Variants in SPPL3 observed in about 807,000 individuals in gnomAD.
SPPL3 encodes signal peptide peptidase-like 3.
SPPL3 carries 5 observed loss-of-function variants against 42.4 expected under a neutral mutation model. The observed-to-expected ratio is 0.12, with a 90% CI of 0.06 to 0.25. SPPL3 has a LOEUF of 0.25. Among genes scored for constraint, SPPL3 ranks in the 10% least tolerant of loss-of-function variants. The pLI, the probability that SPPL3 is intolerant of heterozygous loss-of-function variation, is 1.00. For synonymous variants in SPPL3, 195 were observed against 181.8 expected (o/e 1.07, Z -0.58); for missense variants, 235 against 489.0 (o/e 0.48, Z 4.90).
In SPPL3 at chr12:120,802,183, G is replaced by T. The variant is rs1012468879; in HGVS notation, c.101+8626C>A. On this transcript the variant is annotated intron_variant, in intron 2 of 10. Coordinates refer to ENST00000353487, the MANE Select transcript of SPPL3 (RefSeq NM_139015.5). ...AGGCCTGCCTTTAGGAACTTCCACT[G>T]CCTGCCTCAGGACAAGGGGAAACAT... 1.3e-5 allele frequency among the ~76,000 whole-genome samples: 2 copies of T among 151,888 alleles called. 1 individual carries two copies. Among genetic ancestry groups the T allele is most frequent in the South Asian group, 4.1e-4 (2 of 4,822 alleles).
At chr12:120,883,208 G>C (rs1257174960) in intron 1 of SPPL3, among the ~76,000 whole-genome samples, 1 of 150,978 alleles carries the variant, frequency 6.6e-6, no homozygotes, top group African/African-American at 2.4e-5. Context: ...AGGAAGCTGA[G>C]GCAGGAGAAT....
intron 6 of SPPL3, among the ~76,000 whole-genome samples, chr12:120,773,582 T>C (rs1175852862): frequency 6.6e-6 from 1 of 151,912 alleles, no homozygotes; most frequent in Non-Finnish European, 1.5e-5. Context: ...CTCCTCGGGG[T>C]AAGTTTATTC....
Position 120,904,081 on chromosome 12 carries a change from G to T in SPPL3, c.-214C>A, listed in dbSNP as rs1358060201. 1.2e-5 allele frequency: 4 copies of T among 328,888 alleles called. No individual in the cohort carries two copies. The highest frequency in any genetic ancestry group is 6.6e-5 in the African/African-American group (3 of 45,434). The allele number at this position is 328,888 out of a possible 1,614,324, so 20.4% of individuals were successfully genotyped here. On this transcript the variant is annotated 5_prime_UTR_variant, in exon 1 of 11. Transcript: ENST00000353487. ...CTCCCTGGGCCCCGGGGCGGGGCGG[G>T]CTCCGCTCTCGGCCTCCCTCACCCG...
intron 1 of SPPL3, among the ~76,000 whole-genome samples, chr12:120,898,481 A>G (rs1194107186): frequency 1.3e-5 from 2 of 151,980 alleles, no homozygotes; most frequent in African/African-American, 4.8e-5. Flanking sequence ...ACAAGATCAA[A>G]CCATGAAGAA....
intron 1 of SPPL3, among the ~76,000 whole-genome samples, chr12:120,873,815 T>A (rs1872999552): frequency 6.6e-6 from 1 of 152,002 alleles, no homozygotes; most frequent in Non-Finnish European, 1.5e-5. Flanking sequence ...GAGGTTGCAG[T>A]GAGCCAAGAT....
chr12:120,787,534 C>CT (rs1394730709), intron 3 of SPPL3, among the ~76,000 whole-genome samples: 1 of 151,884 alleles, frequency 6.6e-6, no homozygotes, highest in Non-Finnish European at 1.5e-5. Flanking sequence ...ACTTTCTAAC[C>CT]TTTTTTATGG....
At chr12:120,766,094 G>A (rs962888131) in intron 10 of SPPL3, among the ~76,000 whole-genome samples, 169 bp downstream of exon 10, 4 of 103,304 alleles carry the variant, frequency 3.9e-5, no homozygotes, top group East Asian at 4.4e-4. Context: ...AGGGTAGCGC[G>A]CGCGCGCACA....
chr12:120,888,709 T>C (rs1873540809), intron 1 of SPPL3, among the ~76,000 whole-genome samples: 1 of 152,214 alleles, frequency 6.6e-6, no homozygotes, highest in African/African-American at 2.4e-5. Context: ...GAAAATGTTA[T>C]AAAAATGATT....
intron 2 of SPPL3, among the ~76,000 whole-genome samples, chr12:120,797,283 T>G (rs765312720): frequency 1.3e-5 from 2 of 152,114 alleles, no homozygotes; most frequent in Non-Finnish European, 2.9e-5. Context: ...CTCTGTTCTA[T>G]TAACTCTAGC....
rs144281918 is a variant in SPPL3 at position 120,848,237 on chromosome 12, T to C, written c.24-37351A>G. 3.9e-3 allele frequency among the ~76,000 whole-genome samples: 588 copies of C among 152,322 alleles called. 8 individuals are homozygous for C. The highest frequency in any genetic ancestry group is 0.013 in the African/African-American group (549 of 41,560). On this transcript the variant is annotated intron_variant, in intron 1 of 10. Transcript: ENST00000353487. The stretch of plus-strand genomic sequence containing the variant: ...AAATACAACTATAAGCAAAGTTGTA[T>C]TTGCAGTGTTGTTCTCCAACAGCCA...
Position 120,764,515 on chromosome 12 carries a change from A to C in SPPL3, c.*484T>G, listed in dbSNP as rs1868803158. 1 of 198,690 alleles carries C rather than the reference A, an allele frequency of 5.0e-6. No homozygotes were observed. Among genetic ancestry groups the C allele is most frequent in the Non-Finnish European group, 1.0e-5 (1 of 99,162 alleles). The allele number at this position is 198,690 out of a possible 1,614,324, so 12.3% of individuals were successfully genotyped here. A position where few individuals can be genotyped will look rare whatever the true frequency, so the allele number is the denominator to read the frequency against. On this transcript the variant is annotated 3_prime_UTR_variant, in exon 11 of 11. Coordinates refer to ENST00000353487, the MANE Select transcript of SPPL3 (RefSeq NM_139015.5). ...TCCAAAAAAAGGAAAGAAGAATATA[A>C]CGACAGAAGAGCTTCTGTCTCAGTT...
intron 8 of SPPL3, 59 bp downstream of exon 8, chr12:120,768,266 G>A: frequency 6.4e-7 from 1 of 1,551,914 alleles, no homozygotes; most frequent in Middle Eastern, 2.0e-4. Context: ...GACTGATCAA[G>A]GCCGGGAACA....
At chr12:120,868,684 G>C (rs780610630) in intron 1 of SPPL3, among the ~76,000 whole-genome samples, 1 of 152,084 alleles carries the variant, frequency 6.6e-6, no homozygotes, top group Non-Finnish European at 1.5e-5. Context: ...GTTTCACCAA[G>C]TTGGCTAGGA....
At chr12:120,806,114 C>T (rs979067140) in intron 2 of SPPL3, among the ~76,000 whole-genome samples, 11 of 148,414 alleles carry the variant, frequency 7.4e-5, no homozygotes, top group Non-Finnish European at 1.3e-4. Flanking sequence ...TTACTTTAAA[C>T]GCGACAACAA....
intron 1 of SPPL3, among the ~76,000 whole-genome samples, chr12:120,887,921 T>C (rs1053010118): frequency 1.3e-5 from 2 of 152,196 alleles, no homozygotes; most frequent in African/African-American, 4.8e-5. Context: ...TAATGTAAAA[T>C]GGTGCAGCCG....
chr12:120,791,357 T>C (rs1869909852), intron 3 of SPPL3, 112 bp downstream of exon 3: 1 of 673,850 alleles, frequency 1.5e-6, no homozygotes, highest in Non-Finnish European at 2.4e-6. Context: ...TTCAATGTTT[T>C]TTTATACCAA....
At chr12:120,880,025 C>T (rs1286293521) in intron 1 of SPPL3, among the ~76,000 whole-genome samples, 2 of 148,318 alleles carry the variant, frequency 1.3e-5, no homozygotes, top group African/African-American at 2.5e-5. Context: ...AACAATCCTA[C>T]TTGATTTTCT....
intron 1 of SPPL3, among the ~76,000 whole-genome samples, chr12:120,844,092 A>G (rs534901288): frequency 4.6e-5 from 7 of 152,324 alleles, no homozygotes; most frequent in South Asian, 2.1e-4. Flanking sequence ...TGCAAATTTG[A>G]TATCTCCAAT....
intron 1 of SPPL3, among the ~76,000 whole-genome samples, chr12:120,811,999 C>G (rs1870697812): frequency 6.6e-6 from 1 of 151,226 alleles, no homozygotes; most frequent in Non-Finnish European, 1.5e-5. Flanking sequence ...TTTAGAGAGA[C>G]ACAGGACACA....
Sources: allele counts gnomAD v4.1 joint callset (sites outside exome capture counted in the v4.1 genomes callset), GRCh38; gene constraint gnomAD v4.1.1; transcripts MANE v1.5; gene names NCBI Gene and HGNC (gene_info 2026-07-23, HGNC 2026-07-21).